The following NAA11 variants were observed in gnomAD, a reference collection of about 807,000 sequenced individuals.
NAA11 encodes the protein N-alpha-acetyltransferase 11, NatA catalytic subunit.
NAA11 carries 15 observed loss-of-function variants against 16.1 expected under a neutral mutation model. That is an observed-to-expected ratio of 0.93 (90% CI 0.62 to 1.44). NAA11 has a LOEUF of 1.44. NAA11 is among the 40% of genes most tolerant of loss of function. The pLI is 0.00. For missense variants in NAA11, 298 were observed against 291.3 expected (o/e 1.02, Z -0.17); for synonymous variants, 122 against 112.4 (o/e 1.09, Z -0.54).
At chr4:79,229,631 C>A (rs1159079584) in intron 2 of NAA11, among the ~76,000 whole-genome samples, 1 of 151,938 alleles carries the variant, frequency 6.6e-6, no homozygotes, top group Non-Finnish European at 1.5e-5. Flanking sequence ...ATCCATTGGT[C>A]TGTATTTAAT....
At chr4:79,215,727 G>A in the NAA11 span, among the ~76,000 whole-genome samples, 2 of 152,208 alleles carry the variant, frequency 1.3e-5, no homozygotes, top group Non-Finnish European at 2.9e-5. Context: ...AAATGCTCAT[G>A]TAGCTAGCAT....
At chr4:79,269,148 GC>G (rs1157510738) in intron 2 of NAA11, among the ~76,000 whole-genome samples, 1 of 142,348 alleles carries the variant, frequency 7.0e-6, no homozygotes, top group East Asian at 2.0e-4. Context: ...TGTGAATAAT[GC>G]CGCAATAAAC....
chr4:79,210,277 G>C, the NAA11 span, among the ~76,000 whole-genome samples: 12 of 152,156 alleles, frequency 7.9e-5, no homozygotes, highest in African/African-American at 2.9e-4. Context: ...AATGTCACAA[G>C]GTACATTATC....
intron 2 of NAA11, among the ~76,000 whole-genome samples, chr4:79,276,407 C>T (rs1722645930): frequency 6.6e-6 from 1 of 151,868 alleles, no homozygotes; most frequent in African/African-American, 2.4e-5. Flanking sequence ...TTACCAAGCT[C>T]TCTCTCTGCT....
the NAA11 span, among the ~76,000 whole-genome samples, chr4:79,174,012 G>C: frequency 5.3e-5 from 8 of 152,040 alleles, no homozygotes; most frequent in Non-Finnish European, 4.4e-5. Flanking sequence ...AGACAGTCAG[G>C]GGGAGGGAGA....
the NAA11 span, among the ~76,000 whole-genome samples, chr4:79,203,550 A>T: frequency 6.6e-6 from 1 of 151,750 alleles, no homozygotes; most frequent in Admixed American, 6.6e-5. Flanking sequence ...TAAGACAAAA[A>T]CACACCATTG....
intron 1 of NAA11, among the ~76,000 whole-genome samples, chr4:79,318,787 C>G (rs1356414061): frequency 6.6e-6 from 1 of 152,150 alleles, no homozygotes; most frequent in Non-Finnish European, 1.5e-5. Flanking sequence ...TTAGTTATCT[C>G]AGTAAATACT....
chr4:79,251,742 G>A (rs763967908), intron 2 of NAA11, among the ~76,000 whole-genome samples: 2 of 151,946 alleles, frequency 1.3e-5, no homozygotes, highest in Non-Finnish European at 2.9e-5. Context: ...AATAATTTAT[G>A]TAGTATGCTT....
chr4:79,204,264 G>A, the NAA11 span, among the ~76,000 whole-genome samples: 7 of 151,838 alleles, frequency 4.6e-5, no homozygotes, highest in South Asian at 2.1e-4. Flanking sequence ...TACTCAACAC[G>A]CAACAATGAA....
chr4:79,253,060 T>C (rs574713498), intron 2 of NAA11, among the ~76,000 whole-genome samples: 7 of 152,218 alleles, frequency 4.6e-5, no homozygotes, highest in Non-Finnish European at 7.4e-5. Flanking sequence ...ACATGGAATA[T>C]ATTTTGAAGT....
intron 2 of NAA11, among the ~76,000 whole-genome samples, chr4:79,258,163 G>A (rs1015069716): frequency 6.6e-6 from 1 of 152,234 alleles, no homozygotes; most frequent in Non-Finnish European, 1.5e-5. Flanking sequence ...AGGCCTCCCT[G>A]TGCTCTTGGG....
chr4:79,307,653 A>T (rs983164326), intron 1 of NAA11, among the ~76,000 whole-genome samples: 1 of 152,208 alleles, frequency 6.6e-6, no homozygotes, highest in Non-Finnish European at 1.5e-5. Context: ...AAAACCTGAC[A>T]GAGCTGGGAG....
At chr4:79,156,687 A>G in the NAA11 span, among the ~76,000 whole-genome samples, 1 of 152,216 alleles carries the variant, frequency 6.6e-6, no homozygotes, top group Non-Finnish European at 1.5e-5. Context: ...TTGACCACAT[A>G]TCTGGGCACT....
chr4:79,276,927 C>T (rs925907063), intron 2 of NAA11, among the ~76,000 whole-genome samples: 9 of 152,120 alleles, frequency 5.9e-5, no homozygotes, highest in Non-Finnish European at 1.2e-4. Flanking sequence ...ACATCTATTA[C>T]AACCAACAGC....
the NAA11 span, among the ~76,000 whole-genome samples, chr4:79,206,565 G>A: frequency 6.6e-6 from 1 of 152,056 alleles, no homozygotes; most frequent in South Asian, 2.1e-4. Context: ...TAAGCATTAG[G>A]TCATATCCTG....
At chr4:79,188,084 ATTGT>A in the NAA11 span, among the ~76,000 whole-genome samples, 1 of 151,260 alleles carries the variant, frequency 6.6e-6, no homozygotes, top group South Asian at 2.1e-4. Flanking sequence ...TTAAATGTGA[ATTGT>A]TTATGTTTTC....
the NAA11 span, among the ~76,000 whole-genome samples, chr4:79,210,168 G>C: frequency 1.3e-5 from 2 of 152,182 alleles, no homozygotes. Context: ...AGTCTGAAAA[G>C]GGAGTCAGTG....
At chr4:79,167,921 TGC>T in the NAA11 span, among the ~76,000 whole-genome samples, 1 of 152,130 alleles carries the variant, frequency 6.6e-6, no homozygotes, top group Non-Finnish European at 1.5e-5. Flanking sequence ...GTGCAGAACG[TGC>T]AGGTTTGTTA....
intron 2 of NAA11, among the ~76,000 whole-genome samples, chr4:79,263,438 G>C (rs1722280136): frequency 6.6e-6 from 1 of 152,118 alleles, no homozygotes; most frequent in South Asian, 2.1e-4. Context: ...GCTTGTATCT[G>C]GAACAAAAAG....
Sources: gnomAD v4.1 joint callset for allele counts (sites outside exome capture counted in the v4.1 genomes callset) on GRCh38, gnomAD v4.1.1 for gene constraint, MANE v1.5 for transcripts, NCBI Gene and HGNC (gene_info 2026-07-23, HGNC 2026-07-21) for gene names.